SLC35D4: variants seen among roughly 807,000 people sequenced by gnomAD.
The protein encoded by SLC35D4 is UDP-N-acetylglucosamine transporter SLC35D4.
chr18:23,335,491 C>T, the SLC35D4 span, among the ~76,000 whole-genome samples: 1 of 152,140 alleles, frequency 6.6e-6, no homozygotes, highest in Admixed American at 6.5e-5. Context: ...TGTTCAGCCA[C>T]ACCTTAGGGA....
the SLC35D4 span, among the ~76,000 whole-genome samples, chr18:23,352,958 T>C: frequency 6.6e-6 from 1 of 152,190 alleles, no homozygotes; most frequent in South Asian, 2.1e-4. Flanking sequence ...GGAGATGTAG[T>C]TGCCTGTGCT....
At chr18:23,277,184 T>C in the SLC35D4 span, among the ~76,000 whole-genome samples, 1 of 152,202 alleles carries the variant, frequency 6.6e-6, no homozygotes, top group African/African-American at 2.4e-5. Context: ...TGAATTGTAC[T>C]GGCATAATTC....
the SLC35D4 span, chr18:23,309,889 C>A: frequency 1.3e-6 from 1 of 781,278 alleles, no homozygotes; most frequent in Non-Finnish European, 2.2e-6. Context: ...CTTTTCCCCA[C>A]ACGCTTCCTA....
At chr18:23,405,949 A>C in the SLC35D4 span, among the ~76,000 whole-genome samples, 9 of 152,222 alleles carry the variant, frequency 5.9e-5, no homozygotes, top group Admixed American at 5.9e-4. Flanking sequence ...CATAGAGACA[A>C]GGTAAAGACA....
chr18:23,427,832 T>C, the SLC35D4 span, among the ~76,000 whole-genome samples: 1 of 152,172 alleles, frequency 6.6e-6, no homozygotes, highest in Non-Finnish European at 1.5e-5. Context: ...TGGAATACTA[T>C]GCAGCCATAA....
At chr18:23,377,815 G>A in the SLC35D4 span, 6 of 705,502 alleles carry the variant, frequency 8.5e-6, no homozygotes, top group Non-Finnish European at 8.4e-6. Context: ...AGTATTTATT[G>A]AGGCTTTTTC....
chr18:23,320,176 T>A, the SLC35D4 span, among the ~76,000 whole-genome samples: 4 of 152,224 alleles, frequency 2.6e-5, no homozygotes, highest in Non-Finnish European at 5.9e-5. Flanking sequence ...CCCTCATGTC[T>A]CTTATGCTCA....
At chr18:23,375,751 G>T in the SLC35D4 span, among the ~76,000 whole-genome samples, 9 of 152,134 alleles carry the variant, frequency 5.9e-5, no homozygotes. Context: ...TATGTCTTTA[G>T]AAATTTTCAC....
At chr18:23,264,307 C>G in the SLC35D4 span, among the ~76,000 whole-genome samples, 1 of 148,804 alleles carries the variant, frequency 6.7e-6, no homozygotes, top group Non-Finnish European at 1.5e-5. Context: ...GCACGCTACA[C>G]AGCAAAACAG....
the SLC35D4 span, among the ~76,000 whole-genome samples, chr18:23,263,026 C>T: frequency 2.0e-5 from 3 of 152,232 alleles, no homozygotes; most frequent in East Asian, 5.8e-4. Flanking sequence ...TATCATGCGC[C>T]AGCCCTGTGC....
chr18:23,436,968 C>T, the SLC35D4 span, among the ~76,000 whole-genome samples: 1 of 151,954 alleles, frequency 6.6e-6, no homozygotes, highest in Non-Finnish European at 1.5e-5. Context: ...AGGTGGGGAG[C>T]CCGCAGTAAG....
chr18:23,299,857 C>A, the SLC35D4 span, among the ~76,000 whole-genome samples: 1 of 152,164 alleles, frequency 6.6e-6, no homozygotes, highest in Non-Finnish European at 1.5e-5. Context: ...TACCTTACTC[C>A]AAGTTGGGAT....
the SLC35D4 span, among the ~76,000 whole-genome samples, chr18:23,273,955 C>T: frequency 1.1e-4 from 17 of 151,966 alleles, no homozygotes; most frequent in South Asian, 2.3e-3. Flanking sequence ...TTTTTTGCGA[C>T]GAGGTCTCAC....
the SLC35D4 span, among the ~76,000 whole-genome samples, chr18:23,387,493 G>A: frequency 4.6e-5 from 7 of 152,140 alleles, no homozygotes; most frequent in African/African-American, 1.4e-4. Context: ...TGGTAGCCCC[G>A]CCCTCAGCAG....
chr18:23,389,158 T>C, the SLC35D4 span, among the ~76,000 whole-genome samples: 403 of 152,030 alleles, frequency 2.7e-3, 1 homozygote, highest in African/African-American at 9.2e-3. Context: ...CCAGCTGATT[T>C]TTGTATTTTT....
At chr18:23,257,078 T>TG in the SLC35D4 span, 1 of 836,106 alleles carries the variant, frequency 1.2e-6, no homozygotes, top group Admixed American at 2.9e-5. Context: ...AAGCACAGCC[T>TG]GTGCCTCCCT....
At chr18:23,370,561 T>C in the SLC35D4 span, among the ~76,000 whole-genome samples, 1 of 152,224 alleles carries the variant, frequency 6.6e-6, no homozygotes, top group Non-Finnish European at 1.5e-5. Flanking sequence ...AAGGTTTTAC[T>C]TCCTTGACAT....
the SLC35D4 span, among the ~76,000 whole-genome samples, chr18:23,388,256 T>C: frequency 1.3e-5 from 2 of 152,222 alleles, no homozygotes; most frequent in South Asian, 2.1e-4. Flanking sequence ...GATCTATTTA[T>C]ACATGTAGAA....
At chr18:23,285,301 C>G in the SLC35D4 span, among the ~76,000 whole-genome samples, 5 of 152,112 alleles carry the variant, frequency 3.3e-5, no homozygotes, top group African/African-American at 7.2e-5. Flanking sequence ...CTATAGGCAA[C>G]CTTCCACCTT....
Sources: gnomAD v4.1 joint callset for allele counts (sites outside exome capture counted in the v4.1 genomes callset) on GRCh38, gnomAD v4.1.1 for gene constraint, MANE v1.5 for transcripts, NCBI Gene and HGNC (gene_info 2026-07-23, HGNC 2026-07-21) for gene names.